The following CRTAC1 variants were observed in gnomAD, a reference collection of about 807,000 sequenced individuals.
CRTAC1 encodes cartilage acidic protein 1, also known as acidic secreted protein in cartilage.
Under a neutral mutation model 67.8 loss-of-function variants are expected in CRTAC1, and 37 were observed. That is an observed-to-expected ratio of 0.55 (90% CI 0.42 to 0.72). The LOEUF (loss-of-function observed/expected upper bound fraction) is 0.72. CRTAC1 is among the 30% of genes least tolerant of loss of function. The pLI, the probability that CRTAC1 is intolerant of heterozygous loss-of-function variation, is 0.00. For missense variants in CRTAC1, 780 were observed against 931.6 expected (o/e 0.84, Z 2.12); for synonymous variants, 348 against 371.0 (o/e 0.94, Z 0.71).
chr10:98,014,107 G>T (rs772858457), intron 1 of CRTAC1, among the ~76,000 whole-genome samples: 1 of 152,118 alleles, frequency 6.6e-6, no homozygotes, highest in Non-Finnish European at 1.5e-5. Flanking sequence ...CTTAGAAGAA[G>T]GTCTGTAAAT....
intron 2 of CRTAC1, among the ~76,000 whole-genome samples, chr10:97,953,553 T>A (rs777401664): frequency 1.3e-5 from 2 of 152,150 alleles, no homozygotes; most frequent in African/African-American, 4.8e-5. Flanking sequence ...AACACAGAAC[T>A]AAAGAGGGAC....
intron 8 of CRTAC1, among the ~76,000 whole-genome samples, chr10:97,897,660 G>A (rs1452899562): frequency 6.6e-6 from 1 of 152,222 alleles, no homozygotes; most frequent in Non-Finnish European, 1.5e-5. Context: ...CAGCGGTTCT[G>A]TTTGGAACTC....
intron 2 of CRTAC1, among the ~76,000 whole-genome samples, chr10:97,955,976 A>G (rs925620468): frequency 1.3e-5 from 2 of 152,180 alleles, no homozygotes; most frequent in African/African-American, 4.8e-5. Context: ...GCCTCTGAAT[A>G]ACCTTGTAGT....
chr10:97,973,441 A>G (rs1240632551), intron 2 of CRTAC1, among the ~76,000 whole-genome samples: 1 of 134,148 alleles, frequency 7.5e-6, no homozygotes, highest in East Asian at 2.2e-4. Context: ...TCAACAGCCC[A>G]TCTCAAAACT....
chr10:97,945,418 T>G (rs1295317913), intron 2 of CRTAC1, among the ~76,000 whole-genome samples: 5 of 152,266 alleles, frequency 3.3e-5, no homozygotes, highest in Non-Finnish European at 7.3e-5. Flanking sequence ...TCTTTGGAAA[T>G]GTGTGTAATG....
At chr10:97,966,634 T>C (rs1160188703) in intron 2 of CRTAC1, among the ~76,000 whole-genome samples, 1 of 152,218 alleles carries the variant, frequency 6.6e-6, no homozygotes, top group Non-Finnish European at 1.5e-5. Context: ...TTTCCCCTAA[T>C]GTCCCTTTTC....
intron 14 of CRTAC1, among the ~76,000 whole-genome samples, chr10:97,877,297 G>A (rs1040152708): frequency 1.3e-5 from 2 of 152,230 alleles, no homozygotes; most frequent in African/African-American, 4.8e-5. Context: ...TATCTGGCTG[G>A]AGGGAAGGCA....
rs765750068 is a variant in CRTAC1, at chr10:98,030,374, C to A, written c.24+75G>T. ...GCGGCGTCCCCGCCACCCTTGCGGG[C>A]GGATCCGGGGGGGCGCGCAGAGCTG... On this transcript the variant is annotated intron_variant, in intron 1 of 14. Transcript: ENST00000370597. This position sits in a 1 kb window ranked among gnomAD's most constrained non-coding sequence, Gnocchi z 4.2. 4.3e-4 allele frequency: 418 copies of A among 968,688 alleles called. 1 individual carries two copies. The highest frequency in any genetic ancestry group is 6.0e-4 in the Admixed American group (14 of 23,344). 60.0% of individuals were successfully genotyped at this position (968,688 alleles called of 1,614,324 possible).
At chr10:98,015,832 G>C (rs1050015981) in intron 1 of CRTAC1, among the ~76,000 whole-genome samples, 1 of 152,192 alleles carries the variant, frequency 6.6e-6, no homozygotes, top group African/African-American at 2.4e-5. Context: ...CCAGGTGGTG[G>C]TGGTGATATT....
intron 2 of CRTAC1, among the ~76,000 whole-genome samples, chr10:97,967,261 C>T (rs1164207545): frequency 2.0e-5 from 3 of 152,112 alleles, no homozygotes; most frequent in Non-Finnish European, 4.4e-5. Context: ...CAAATTGCTG[C>T]AGCTTTAGCC....
rs185003233 is a variant in CRTAC1 at position 97,966,055 on chromosome 10, A to G, written c.225-29689T>C. Among the ~76,000 whole-genome samples, 136 of 152,346 alleles carry G rather than the reference A, an allele frequency of 8.9e-4. 4 individuals are homozygous for G. In the South Asian group the frequency reaches 0.021, roughly 24 times the overall value. ...GTTGACTCAGGCCAAGGATAGAGCC[A>G]AGGCCACTACATAGGTAGGGAAAGC... On this transcript the variant is annotated intron_variant, in intron 2 of 14. Coordinates refer to ENST00000370597, the MANE Select transcript of CRTAC1 (RefSeq NM_018058.7).
intron 2 of CRTAC1, among the ~76,000 whole-genome samples, chr10:97,962,289 C>T (rs1006108987): frequency 1.6e-4 from 24 of 147,200 alleles, no homozygotes; most frequent in African/African-American, 5.7e-4. Flanking sequence ...CCAACTACCT[C>T]GAAGTTTCTG....
intron 2 of CRTAC1, among the ~76,000 whole-genome samples, chr10:97,976,458 A>G (rs145911338): frequency 6.6e-6 from 1 of 152,164 alleles, no homozygotes; most frequent in African/African-American, 2.4e-5. Context: ...ATCAAACCTC[A>G]TGGGGTTAAA....
At chr10:97,984,672 T>G (rs1426130192) in intron 2 of CRTAC1, among the ~76,000 whole-genome samples, 1 of 152,152 alleles carries the variant, frequency 6.6e-6, no homozygotes, top group Non-Finnish European at 1.5e-5. Flanking sequence ...TCTTTGAGGG[T>G]TGGCAGCACC....
At position 97,865,653 on chromosome 10, in the gene CRTAC1, G is replaced by A. The variant is rs766490550; in HGVS notation, c.1881C>T (p.Ala627=). 1.2e-6 allele frequency: 2 copies of A among 1,611,380 alleles called. No individual in the cohort carries two copies. The highest frequency in any genetic ancestry group is 1.7e-6 in the Non-Finnish European group (2 of 1,178,876). ...CAGCTCCAGCAGCGGCAGCAGCAGC[G>A]GCAGTGGCAGCAGCAGCGGTGGGGG... is the stretch of plus-strand genomic sequence containing the variant. ...PTTPTAAAAT[A]AAAAAAGAAT... The change falls in exon 15 of 15, where the codon GCC becomes GCT. Residue 627 remains alanine (A), a synonymous_variant. Transcript: ENST00000370597.
chr10:97,886,333 G>T (rs1426582110), intron 11 of CRTAC1, among the ~76,000 whole-genome samples: 5 of 152,326 alleles, frequency 3.3e-5, no homozygotes, highest in Middle Eastern at 3.4e-3. Context: ...GCCTATGAGG[G>T]CCAGGACCAG....
chr10:97,882,724 C>T (rs375714716), intron 13 of CRTAC1, 62 bp downstream of exon 13: 16 of 1,569,088 alleles, frequency 1.0e-5, no homozygotes, highest in East Asian at 2.2e-5. Context: ...ATGAGTCAGG[C>T]GGGCATTCCC....
At chr10:97,964,809 C>T (rs1352241153) in intron 2 of CRTAC1, among the ~76,000 whole-genome samples, 1 of 152,178 alleles carries the variant, frequency 6.6e-6, no homozygotes, top group Non-Finnish European at 1.5e-5. Context: ...AATGATCAGT[C>T]TTTAAAACCA....
intron 11 of CRTAC1, among the ~76,000 whole-genome samples, chr10:97,891,109 A>G (rs934291959): frequency 6.6e-6 from 1 of 152,248 alleles, no homozygotes; most frequent in African/African-American, 2.4e-5. Context: ...TTTGGCACAC[A>G]GTACGTGCTC....
Sources: allele counts gnomAD v4.1 joint callset (sites outside exome capture counted in the v4.1 genomes callset), GRCh38; gene constraint gnomAD v4.1.1; non-coding constraint Gnocchi (gnomAD v3.1); transcripts MANE v1.5; gene names NCBI Gene and HGNC (gene_info 2026-07-23, HGNC 2026-07-21).